Variants in CUX1 observed in about 807,000 individuals in gnomAD.
CUX1 encodes the protein protein CASP.
In CUX1, 31 loss-of-function variants were observed where a neutral mutation model predicts 158.8. The observed-to-expected ratio is 0.20, with a 90% CI of 0.15 to 0.26. CUX1 has a LOEUF of 0.26. CUX1 is among the 10% of genes least tolerant of loss of function. The probability of loss-of-function intolerance (pLI) is 1.00; values close to 1 mark genes in which losing one functional copy is unlikely to be tolerated. For missense variants in CUX1, 1,589 were observed against 2,014.6 expected, an observed-to-expected ratio of 0.79 and a Z score of 4.04; for synonymous variants, 879 against 862.1, an observed-to-expected ratio of 1.02 and a Z score of -0.34.
chr7:101,966,751 C>T (rs758989418), intron 2 of CUX1, among the ~76,000 whole-genome samples: 18 of 152,128 alleles, frequency 1.2e-4, no homozygotes, highest in Non-Finnish European at 2.4e-4. Flanking sequence ...GGTCGTTACC[C>T]ACGGTCTGTA....
At chr7:101,962,083 T>C (rs1361480673) in intron 2 of CUX1, among the ~76,000 whole-genome samples, 4 of 152,172 alleles carry the variant, frequency 2.6e-5, no homozygotes, top group African/African-American at 9.7e-5. Flanking sequence ...TTTTCTGTGC[T>C]TTAAACATAC....
rs1455515817 is a variant in CUX1 at position 102,161,816 on chromosome 7, C to T, written c.723+3208C>T. On this transcript the variant is annotated intron_variant, in intron 9 of 23. Coordinates refer to ENST00000292535, the MANE Select transcript of CUX1 (RefSeq NM_181552.4). The stretch of plus-strand genomic sequence containing the variant: ...AGAGACGGGGTTTCACCGTGTTGGC[C>T]AGGCTGGTCTCGAACTCCTGACCTC... 3.9e-5 allele frequency among the ~76,000 whole-genome samples: 6 copies of T among 152,106 alleles called. No individual in the cohort carries two copies. In the East Asian group the frequency reaches 1.2e-3, roughly 29 times the overall value.
intron 2 of CUX1, among the ~76,000 whole-genome samples, chr7:101,963,384 A>G (rs1403614888): frequency 6.6e-6 from 1 of 152,120 alleles, no homozygotes; most frequent in Non-Finnish European, 1.5e-5. Context: ...CCAGCATGTG[A>G]TGTTGAATGA....
At chr7:102,176,060 C>T (rs1311573621) in intron 10 of CUX1, among the ~76,000 whole-genome samples, 6 of 152,372 alleles carry the variant, frequency 3.9e-5, no homozygotes, top group East Asian at 1.9e-4. Flanking sequence ...GCTCCAGCCC[C>T]CCAGGGCCAC....
At chr7:102,141,169 T>G (rs562777754) in intron 8 of CUX1, among the ~76,000 whole-genome samples, 1 of 152,222 alleles carries the variant, frequency 6.6e-6, no homozygotes, top group South Asian at 2.1e-4. Context: ...CATTTTCAAG[T>G]TGCCCTAAAA....
intron 1 of CUX1, among the ~76,000 whole-genome samples, chr7:101,913,822 T>A (rs1353582954): frequency 2.6e-5 from 4 of 152,220 alleles, no homozygotes; most frequent in Admixed American, 2.6e-4. Context: ...CTGTGTGCGA[T>A]TGGAACGAAA....
At chr7:102,243,879 T>C (rs1252915364) in intron 23 of CUX1, among the ~76,000 whole-genome samples, 2 of 151,554 alleles carry the variant, frequency 1.3e-5, no homozygotes, top group Admixed American at 1.3e-4. Flanking sequence ...AATACAAAAT[T>C]AGCCCGGTGT....
intron 2 of CUX1, among the ~76,000 whole-genome samples, chr7:101,940,427 C>T (rs1036842925): frequency 2.0e-5 from 3 of 151,858 alleles, no homozygotes; most frequent in Non-Finnish European, 4.4e-5. Context: ...TGCCTGCGGG[C>T]GCGCACAGGT....
chr7:102,230,735 A>C (rs559969497), intron 21 of CUX1, among the ~76,000 whole-genome samples: 2 of 151,488 alleles, frequency 1.3e-5, no homozygotes, highest in Admixed American at 1.3e-4. Context: ...CCATATGTTC[A>C]TCAGTTATTG....
In CUX1 at chr7:101,825,987, T is replaced by C. The variant is rs190376475; in HGVS notation, c.30+8318T>C. On this transcript the variant is annotated intron_variant, in intron 1 of 23. Coordinates refer to ENST00000292535, the MANE Select transcript of CUX1 (RefSeq NM_181552.4). ...ACCATTGATTTCATCATGCCATTCC[T>C]CTCCTTAAACATCCATGGTGGCCCA... 4.5e-3 allele frequency among the ~76,000 whole-genome samples: 689 copies of C among 152,082 alleles called. 5 individuals are homozygous for C. Among genetic ancestry groups the C allele is most frequent in the African/African-American group, 0.016 (651 of 41,472 alleles).
chr7:102,130,596 G>A (rs7780050), intron 8 of CUX1, among the ~76,000 whole-genome samples: 1 of 151,908 alleles, frequency 6.6e-6, no homozygotes, highest in Non-Finnish European at 1.5e-5. Flanking sequence ...CAGGAGAATC[G>A]CTTGAACCCA....
rs1436307774 is a variant in CUX1 at position 102,195,128 on chromosome 7, AAAAAG to A, written c.1126-373_1126-369del. ...TCTTTGTGGCTGGCAAAAAAAAAAAAAAAAGAAAAGTTCCCTTTACAGTAACGTTC... is the reference window on the plus strand; with the variant it reads ...TCTTTGTGGCTGGCAAAAAAAAAAAAAAAAGTTCCCTTTACAGTAACGTTC... On this transcript the variant is annotated intron_variant, in intron 13 of 23. Transcript: ENST00000292535. 9.0e-4 allele frequency among the ~76,000 whole-genome samples: 137 copies of A among 152,028 alleles called. 2 individuals carry two copies. The East Asian group carries it at 0.024, about 27-fold the overall frequency.
rs1277273797 is a variant in CUX1, at chr7:101,997,249, T to A, written c.142-30849T>A. 2.6e-5 allele frequency among the ~76,000 whole-genome samples: 4 copies of A among 152,362 alleles called. No homozygotes were observed. The South Asian group carries it at 8.3e-4, about 32-fold the overall frequency. Reference sequence around the variant, plus strand: ...AGTGTGGGCCTCCCTGGGGTGCCCATGATGGTGTAATGAGTGCGTGCACGG... The same window carrying A: ...AGTGTGGGCCTCCCTGGGGTGCCCAAGATGGTGTAATGAGTGCGTGCACGG... On this transcript the variant is annotated intron_variant, in intron 2 of 23. Transcript: ENST00000292535.
At chr7:102,119,838 C>A (rs951097579) in intron 8 of CUX1, among the ~76,000 whole-genome samples, 1 of 152,130 alleles carries the variant, frequency 6.6e-6, no homozygotes, top group South Asian at 2.1e-4. Flanking sequence ...TGAGCCACTA[C>A]GCCTGACATT....
chr7:101,854,866 TC>T (rs1408222547), intron 1 of CUX1, among the ~76,000 whole-genome samples: 1 of 152,208 alleles, frequency 6.6e-6, no homozygotes, highest in African/African-American at 2.4e-5. Flanking sequence ...TGCCTCAGCC[TC>T]CCAAGTAGCT....
chr7:102,028,333 C>G (rs1280405079), intron 3 of CUX1, among the ~76,000 whole-genome samples, 188 bp downstream of exon 3: 3 of 152,186 alleles, frequency 2.0e-5, no homozygotes, highest in Non-Finnish European at 4.4e-5. Flanking sequence ...TGGTGAAAGC[C>G]CTCCTGGAAA....
At chr7:102,217,542 A>C (rs1244180771) in intron 20 of CUX1, among the ~76,000 whole-genome samples, 2 of 152,258 alleles carry the variant, frequency 1.3e-5, no homozygotes, top group Non-Finnish European at 2.9e-5. Flanking sequence ...GGAGAGTCGA[A>C]AACCATCCCC....
Position 102,248,440 on chromosome 7 carries a change from G to T in CUX1, c.3916G>T (p.Glu1306Ter). 1 of 1,599,076 alleles carries T rather than the reference G, an allele frequency of 6.3e-7. No homozygotes were observed. ...TCGGATCCGCAGAGAACTGTTCATT[G>T]AGGAAATTCAGGCCGGGAGTCAGGG... is the stretch of plus-strand genomic sequence containing the variant. The part of the protein sequence containing the change: ...RSRIRRELFI[E>*]EIQAGSQGQA... Residue 1306 changes from glutamate to a stop codon, truncating the protein, a stop_gained, in exon 24 of 24, where the codon GAG (glutamate) becomes TAG (stop). Transcript: ENST00000292535. LOFTEE classifies it low-confidence loss of function (END_TRUNC). The surrounding 1 kb of genome is among the most constrained non-coding windows in gnomAD (Gnocchi z 5.8).
At chr7:101,858,764 CGA>C (rs1365101376) in intron 1 of CUX1, among the ~76,000 whole-genome samples, 1 of 144,326 alleles carries the variant, frequency 6.9e-6, no homozygotes, top group Non-Finnish European at 1.5e-5. Context: ...CTCCCAGGTT[CGA>C]GAGATTCTCC....
Sources: gnomAD v4.1 joint callset for allele counts (sites outside exome capture counted in the v4.1 genomes callset) on GRCh38, gnomAD v4.1.1 for gene constraint, Gnocchi (gnomAD v3.1) non-coding constraint, MANE v1.5 for transcripts, NCBI Gene and HGNC (gene_info 2026-07-23, HGNC 2026-07-21) for gene names.